Variants in RAD21 observed in about 807,000 individuals in gnomAD.
RAD21 encodes the protein double-strand-break repair protein rad21 homolog.
In RAD21, 18 loss-of-function variants were observed where a neutral mutation model predicts 71.5. The ratio of observed to expected loss-of-function variants is 0.25; its 90% CI spans 0.17 to 0.37. The LOEUF is 0.37. Among genes scored for constraint, RAD21 ranks in the 10% least tolerant of loss-of-function variants. The pLI is 1.00. For missense variants in RAD21, 493 were observed against 769.1 expected (o/e 0.64, Z 4.25); for synonymous variants, 248 against 254.0 (o/e 0.98, Z 0.22).
chr8:116,864,818 T>C (rs1436052407), intron 2 of RAD21, among the ~76,000 whole-genome samples: 1 of 152,142 alleles, frequency 6.6e-6, no homozygotes, highest in Non-Finnish European at 1.5e-5. Flanking sequence ...GTATGGCATA[T>C]GTTTTTGAGC....
chr8:116,870,989 C>A (rs770756851), intron 1 of RAD21, among the ~76,000 whole-genome samples: 2 of 152,176 alleles, frequency 1.3e-5, no homozygotes, highest in Non-Finnish European at 2.9e-5. Context: ...AAACAGAAGC[C>A]TGTTTGGCAT....
chr8:116,854,136 G>T, intron 9 of RAD21, 109 bp downstream of exon 9: 2 of 814,124 alleles, frequency 2.5e-6, no homozygotes, highest in Non-Finnish European at 3.8e-6. Flanking sequence ...AAGAAAATGT[G>T]CCATACAGTT....
intron 4 of RAD21, among the ~76,000 whole-genome samples, chr8:116,859,591 T>C (rs138177161): frequency 2.0e-3 from 311 of 152,228 alleles, no homozygotes; most frequent in African/African-American, 7.3e-3. Flanking sequence ...CCACAAAGGA[T>C]GCCCAAATAA....
intron 8 of RAD21, 132 bp downstream of exon 8, chr8:116,856,033 AC>A: frequency 9.7e-7 from 1 of 1,028,128 alleles, no homozygotes; most frequent in Non-Finnish European, 1.4e-6. Flanking sequence ...AGATCAGTAG[AC>A]AGGCCAAAAA....
At chr8:116,873,661 T>C (rs570878975) in intron 1 of RAD21, among the ~76,000 whole-genome samples, 2 of 151,198 alleles carry the variant, frequency 1.3e-5, no homozygotes, top group East Asian at 3.9e-4. Context: ...CTGAAGACAC[T>C]AACAAATCAG....
chr8:116,874,337 C>CGGTGGTCGCCGTATCATTAA, intron 1 of RAD21: 1 of 160,680 alleles, frequency 6.2e-6, no homozygotes. Flanking sequence ...TTGTAGATCT[C>CGGTGGTCGCCGTATCATTAA]AGAATGGATC....
Position 116,856,185 on chromosome 8 carries a change from C to T in RAD21, c.918G>A (p.Leu306=), listed in dbSNP as rs2130466171. Residue 306 remains leucine, a synonymous_variant, in exon 8 of 14, where the codon TTG becomes TTA. Coordinates refer to ENST00000297338, the MANE Select transcript of RAD21 (RefSeq NM_006265.3). The stretch of plus-strand genomic sequence containing the variant: ...GCTTACCAGTTATATCAATAGGCTC[C>T]AATGCAAATGCTTCTTCCTCATTTG... The part of the protein sequence containing the change: ...LVPNEEEAFA[L]EPIDITVKET... 6.2e-7 allele frequency: 1 copy of T among 1,608,094 alleles called. No homozygotes were observed. The highest frequency in any genetic ancestry group is 2.2e-5 in the East Asian group (1 of 44,518).
intron 3 of RAD21, 39 bp downstream of exon 3, chr8:116,863,091 T>A (rs751362273): frequency 6.4e-7 from 1 of 1,566,104 alleles, no homozygotes; most frequent in East Asian, 2.3e-5. Flanking sequence ...AACTCCAAAG[T>A]AAACAACAAC....
Position 116,859,908 on chromosome 8 carries a change from A to G in RAD21, c.375-1450T>C, listed in dbSNP as rs554054416. Among the ~76,000 whole-genome samples, 9 of 152,316 alleles carry G rather than the reference A, an allele frequency of 5.9e-5. No homozygotes were observed. In the East Asian group the frequency reaches 1.2e-3, roughly 20 times the overall value. ...AGCCAAGTTTTGAATGCAAAGGAAA[A>G]GTTCTTGAAGGAAATGAAAAATGCT... On this transcript the variant is annotated intron_variant, in intron 4 of 13. Transcript: ENST00000297338.
chr8:116,858,608 A>T (rs1239678343), intron 4 of RAD21, 150 bp from the exon 5 acceptor site: 2 of 517,130 alleles, frequency 3.9e-6, no homozygotes, highest in Non-Finnish European at 6.7e-6. Context: ...CACACATTCC[A>T]GTACAATCCA....
intron 8 of RAD21, among the ~76,000 whole-genome samples, chr8:116,854,798 T>C (rs1812428291): frequency 6.6e-6 from 1 of 152,112 alleles, no homozygotes; most frequent in South Asian, 2.1e-4. Context: ...CTCTTCAGAG[T>C]TGGGCTCATT....
chr8:116,866,610 G>C lies in RAD21; in HGVS notation c.120C>G (p.Ser40Arg). 6.2e-7 allele frequency: 1 copy of C among 1,611,946 alleles called. No homozygotes were observed. The highest frequency in any genetic ancestry group is 8.5e-7 in the Non-Finnish European group (1 of 1,178,978). Residue 40 changes from serine to arginine, a missense_variant, in exon 2 of 14, where the codon AGC becomes AGG. Around this residue, in one of 5 missense-constraint regions of RAD21, gnomAD observed 27 missense variants for 144.1 expected, o/e 0.19. Transcript: ENST00000297338. Reference protein sequence around the residue: ...AHVFECNLESSVESIISPKVK... With the variant: ...AHVFECNLESRVESIISPKVK... ...CCTTTGGTGAGATGATACTCTCCAC[G>C]CTGCTCTCTAAATTACACTCGAACA... is the stretch of plus-strand genomic sequence containing the variant.
intron 2 of RAD21, among the ~76,000 whole-genome samples, chr8:116,864,276 TA>T (rs1467402880): frequency 1.3e-5 from 2 of 152,114 alleles, no homozygotes; most frequent in Non-Finnish European, 2.9e-5. Flanking sequence ...AACCACGCCA[TA>T]AAGCACAACA....
chr8:116,851,550 TTGAA>T (rs1396653624), intron 11 of RAD21: 1 of 154,988 alleles, frequency 6.5e-6, no homozygotes, highest in African/African-American at 2.4e-5. Context: ...TAGTCAAAGT[TTGAA>T]TGAAGCAGAC....
chr8:116,859,947 T>A (rs779287064), intron 4 of RAD21, among the ~76,000 whole-genome samples: 4 of 152,086 alleles, frequency 2.6e-5, no homozygotes, highest in Admixed American at 2.6e-4. Flanking sequence ...CTAGTGAACA[T>A]GAATAAGAAA....
At position 116,857,336 on chromosome 8, in the gene RAD21, T is replaced by C; in HGVS notation, c.619A>G (p.Asn207Asp). 1 of 1,612,208 alleles carries C rather than the reference T, an allele frequency of 6.2e-7. No individual in the cohort carries two copies. Among genetic ancestry groups the C allele is most frequent in the Non-Finnish European group, 8.5e-7 (1 of 1,179,394 alleles). ...TATTGATCTTCATATTCTAAATGGT[T>C]AATTTTCTCATTCAGATTGCTGGTG... ...QSTSNLNEKI[N>D]HLEYEDQYKD... is the part of the protein sequence containing the mutation. The change falls in exon 6 of 14, where the codon AAC becomes GAC. Residue 207 changes from asparagine (N) to aspartate (D), a missense_variant. Transcript: ENST00000297338.
Position 116,849,026 on chromosome 8 carries a change from C to T in RAD21, c.1624G>A (p.Glu542Lys). 1 of 1,578,550 alleles carries T rather than the reference C, an allele frequency of 6.3e-7. No homozygotes were observed. The highest frequency in any genetic ancestry group is 8.6e-7 in the Non-Finnish European group (1 of 1,165,562). ...EKEDDEEEED[E>K]DASGGDQDQE... ...TCTTGATCGCCCCCTGATGCATCTTCATCCTGAATAAAAATGACCCCCAAA... is the reference window on the plus strand; with the variant it reads ...TCTTGATCGCCCCCTGATGCATCTTTATCCTGAATAAAAATGACCCCCAAA... Residue 542 changes from glutamate to lysine, a missense_variant, in exon 13 of 14, where the codon GAA becomes AAA. This residue lies in a region of RAD21 where 225 missense variants were observed against 218.3 expected (regional missense o/e 1.03). Coordinates refer to ENST00000297338, the MANE Select transcript of RAD21 (RefSeq NM_006265.3).
intron 11 of RAD21, chr8:116,851,711 TG>T (rs1156357059): frequency 5.5e-6 from 2 of 361,534 alleles, no homozygotes; most frequent in African/African-American, 4.1e-5. Flanking sequence ...ATGCTCACTC[TG>T]GAGCACTCTA....
intron 1 of RAD21, among the ~76,000 whole-genome samples, chr8:116,868,923 C>T (rs956919461): frequency 6.6e-6 from 1 of 151,360 alleles, no homozygotes; most frequent in Non-Finnish European, 1.5e-5. Flanking sequence ...AACATGCACG[C>T]ACGCACGCAC....
Sources: allele counts gnomAD v4.1 joint callset (sites outside exome capture counted in the v4.1 genomes callset), GRCh38; gene constraint gnomAD v4.1.1; regional missense constraint gnomAD v4.1.1; transcripts MANE v1.5; gene names NCBI Gene and HGNC (gene_info 2026-07-23, HGNC 2026-07-21).